MEIS2: variants seen among roughly 807,000 people sequenced by gnomAD.
MEIS2 encodes the protein Meis homeobox 2.
MEIS2 carries 9 observed loss-of-function variants against 58.6 expected under a neutral mutation model. The observed-to-expected ratio is 0.15, with a 90% CI of 0.09 to 0.27. The LOEUF (loss-of-function observed/expected upper bound fraction) is 0.27. MEIS2 is among the 10% of genes least tolerant of loss of function. The pLI, the probability that MEIS2 is intolerant of heterozygous loss-of-function variation, is 1.00. For synonymous variants in MEIS2, 221 were observed against 228.4 expected (o/e 0.97, Z 0.29); for missense variants, 427 against 635.0 (o/e 0.67, Z 3.52).
chr15:37,071,362 G>A (rs1372051828), intron 7 of MEIS2, among the ~76,000 whole-genome samples: 3 of 152,044 alleles, frequency 2.0e-5, no homozygotes, highest in Non-Finnish European at 4.4e-5. Context: ...CTTCCAACTA[G>A]AAGTCCGGGC....
chr15:37,044,042 C>A (rs1208708176), intron 7 of MEIS2, among the ~76,000 whole-genome samples: 1 of 152,152 alleles, frequency 6.6e-6, no homozygotes, highest in Admixed American at 6.6e-5. Flanking sequence ...CCACAAGTAA[C>A]TTCCATTGGG....
At chr15:36,932,959 T>C (rs1034804197) in intron 9 of MEIS2, among the ~76,000 whole-genome samples, 3 of 152,116 alleles carry the variant, frequency 2.0e-5, no homozygotes, top group Non-Finnish European at 2.9e-5. Flanking sequence ...AGGGCCCAAG[T>C]GAGTAAACAA....
intron 9 of MEIS2, among the ~76,000 whole-genome samples, chr15:36,934,560 C>G (rs557215452): frequency 1.3e-5 from 2 of 152,320 alleles, no homozygotes; most frequent in African/African-American, 4.8e-5. Context: ...TCAACGGGCA[C>G]CTTTCCACTT....
At chr15:36,975,831 C>T (rs919056484) in intron 8 of MEIS2, among the ~76,000 whole-genome samples, 18 of 152,012 alleles carry the variant, frequency 1.2e-4, no homozygotes, top group African/African-American at 3.4e-4. Context: ...AACAATGTAT[C>T]GTATACTTGA....
At chr15:36,957,896 T>C (rs576356482) in intron 8 of MEIS2, among the ~76,000 whole-genome samples, 171 of 152,344 alleles carry the variant, frequency 1.1e-3, no homozygotes, top group African/African-American at 3.7e-3. Context: ...TTAACTGTTT[T>C]ATGAACACAA....
At chr15:36,972,146 G>T (rs2059591886) in intron 8 of MEIS2, among the ~76,000 whole-genome samples, 1 of 152,106 alleles carries the variant, frequency 6.6e-6, no homozygotes, top group African/African-American at 2.4e-5. Flanking sequence ...GTTCCGTTAT[G>T]CTGTCAATAA....
chr15:36,891,858 T>C lies in MEIS2; in HGVS notation c.*315A>G, dbSNP rs2055877519. ...ATTTTTTTTTCTCTTCTAAAACTAT[T>C]TGAGGCAACATAACGGCGTGATCAA... On this transcript the variant is annotated 3_prime_UTR_variant, in exon 12 of 12. Coordinates refer to ENST00000561208, the MANE Select transcript of MEIS2 (RefSeq NM_170675.5). 2.6e-6 allele frequency: 1 copy of C among 378,012 alleles called. No individual in the cohort carries two copies. The highest frequency in any genetic ancestry group is 4.7e-6 in the Non-Finnish European group (1 of 210,892). The allele number at this position is 378,012 out of a possible 1,614,324, so 23.4% of individuals were successfully genotyped here.
At chr15:37,010,076 G>C (rs1461807258) in intron 8 of MEIS2, among the ~76,000 whole-genome samples, 1 of 151,870 alleles carries the variant, frequency 6.6e-6, no homozygotes, top group Non-Finnish European at 1.5e-5. Context: ...AAGCACTGTG[G>C]GTTTTTTTTG....
rs1167871462 is a variant in MEIS2 at position 36,942,788 on chromosome 15, C to T, written c.977+7536G>A. ...GAAAAAAAAATTACTGGTAAAGGCA[C>T]CACCATAGTAAAAAGGACTGAAGAT... On this transcript the variant is annotated intron_variant, in intron 9 of 11. Transcript: ENST00000561208. Among the ~76,000 whole-genome samples the T allele has an allele frequency of 3.9e-5, 6 of 152,094 alleles. No homozygotes were observed. The East Asian group carries it at 5.8e-4, about 15-fold the overall frequency.
chr15:36,950,253 AG>A, intron 9 of MEIS2, 70 bp downstream of exon 9: 96 of 1,261,980 alleles, frequency 7.6e-5, no homozygotes, highest in Middle Eastern at 1.9e-4. Flanking sequence ...AAAAAAAAAA[AG>A]AGAGAAAACC....
chr15:36,895,828 GC>G (rs796272423), intron 10 of MEIS2, among the ~76,000 whole-genome samples: 3 of 152,210 alleles, frequency 2.0e-5, no homozygotes, highest in African/African-American at 7.2e-5. Flanking sequence ...GGGAAATTTT[GC>G]CAAAGGATGA....
At chr15:36,954,482 ATAAAT>A (rs1157621683) in intron 8 of MEIS2, among the ~76,000 whole-genome samples, 5 of 145,794 alleles carry the variant, frequency 3.4e-5, no homozygotes, top group African/African-American at 1.2e-4. Flanking sequence ...TAAATTAATT[ATAAAT>A]TAAATATAAA....
At chr15:36,989,400 A>G (rs1038907076) in intron 8 of MEIS2, among the ~76,000 whole-genome samples, 16 of 152,188 alleles carry the variant, frequency 1.1e-4, no homozygotes, top group Admixed American at 2.6e-4. Flanking sequence ...TTGAAAATAC[A>G]AGAGGTTTAG....
At chr15:37,043,845 G>T (rs746376694) in intron 7 of MEIS2, among the ~76,000 whole-genome samples, 1 of 151,822 alleles carries the variant, frequency 6.6e-6, no homozygotes, top group Non-Finnish European at 1.5e-5. Flanking sequence ...GTGCCACCAC[G>T]CCCAGTTAAT....
intron 11 of MEIS2, chr15:36,894,812 C>T: frequency 6.2e-7 from 1 of 1,609,144 alleles, no homozygotes; most frequent in Non-Finnish European, 8.5e-7. Context: ...ACTCATAGGT[C>T]CTAGAAAGGA....
chr15:36,954,205 A>C (rs1275708056), intron 8 of MEIS2, among the ~76,000 whole-genome samples: 1 of 151,982 alleles, frequency 6.6e-6, no homozygotes, highest in Non-Finnish European at 1.5e-5. Flanking sequence ...GGTTGTCCCC[A>C]TATATTATTG....
chr15:36,903,960 T>C (rs1401680855), intron 9 of MEIS2: 4 of 152,232 alleles, frequency 2.6e-5, no homozygotes, highest in African/African-American at 9.6e-5. Flanking sequence ...GCTATGGATA[T>C]GTCTCTGATT....
intron 7 of MEIS2, among the ~76,000 whole-genome samples, chr15:37,051,790 A>T (rs1275947943): frequency 6.6e-6 from 1 of 152,196 alleles, no homozygotes; most frequent in East Asian, 1.9e-4. Flanking sequence ...TTGGGGCAGC[A>T]TTTGAAAGAA....
At chr15:36,983,560 T>C (rs1364381893) in intron 8 of MEIS2, among the ~76,000 whole-genome samples, 1 of 152,106 alleles carries the variant, frequency 6.6e-6, no homozygotes, top group East Asian at 1.9e-4. Flanking sequence ...TTGTAGTATA[T>C]TTTTAAAACA....
Sources: allele counts gnomAD v4.1 joint callset (sites outside exome capture counted in the v4.1 genomes callset), GRCh38; gene constraint gnomAD v4.1.1; transcripts MANE v1.5; gene names NCBI Gene and HGNC (gene_info 2026-07-23, HGNC 2026-07-21).